The following ASTN2 variants were observed in gnomAD, a reference collection of about 807,000 sequenced individuals.
The protein encoded by ASTN2 is astrotactin 2, also known as astrotactin-2.
A neutral mutation model predicts 139.8 loss-of-function variants in ASTN2; 54 were observed. That is an observed-to-expected ratio of 0.39 (90% CI 0.31 to 0.48). ASTN2 has a LOEUF of 0.48. ASTN2 is among the 20% of genes least tolerant of loss of function. The pLI, the probability that ASTN2 is intolerant of heterozygous loss-of-function variation, is 0.95. For synonymous variants in ASTN2, 756 were observed against 719.5 expected (o/e 1.05, Z -0.81); for missense variants, 1,565 against 1,725.1 (o/e 0.91, Z 1.64).
At chr9:117,286,374 CAG>C (rs914318425) in intron 2 of ASTN2, among the ~76,000 whole-genome samples, 4 of 108,206 alleles carry the variant, frequency 3.7e-5, no homozygotes, top group African/African-American at 1.3e-4. Flanking sequence ...TTTTTTTGAG[CAG>C]AGTCTCACTC....
chr9:116,882,033 C>G (rs1166429433), intron 10 of ASTN2, among the ~76,000 whole-genome samples: 1 of 152,136 alleles, frequency 6.6e-6, no homozygotes, highest in Non-Finnish European at 1.5e-5. Flanking sequence ...TTCCTAATTT[C>G]TTTTGGAACA....
At chr9:117,049,853 T>C (rs1838863762) in intron 5 of ASTN2, among the ~76,000 whole-genome samples, 2 of 152,066 alleles carry the variant, frequency 1.3e-5, no homozygotes, top group Non-Finnish European at 2.9e-5. Context: ...ACGAAATGCA[T>C]TAGTGGAAGG....
intron 2 of ASTN2, among the ~76,000 whole-genome samples, chr9:117,255,322 T>A (rs953123839): frequency 9.9e-5 from 15 of 152,222 alleles, no homozygotes; most frequent in African/African-American, 3.6e-4. Flanking sequence ...CAAGATGCAT[T>A]TCACCCTCAT....
chr9:116,763,038 T>C (rs377018021), intron 13 of ASTN2, among the ~76,000 whole-genome samples: 1 of 152,184 alleles, frequency 6.6e-6, no homozygotes, highest in Non-Finnish European at 1.5e-5. Context: ...TTTATTCCAA[T>C]GTCTGTTCTC....
At chr9:116,854,968 C>T (rs540320659) in intron 11 of ASTN2, among the ~76,000 whole-genome samples, 6 of 150,628 alleles carry the variant, frequency 4.0e-5, no homozygotes, top group Admixed American at 1.3e-4. Context: ...CTCATTATTC[C>T]CCCCCCACCA....
intron 16 of ASTN2, among the ~76,000 whole-genome samples, chr9:116,725,521 G>A (rs1828595412): frequency 6.6e-6 from 1 of 152,068 alleles, no homozygotes; most frequent in African/African-American, 2.4e-5. Context: ...AAGGGTTCTG[G>A]AGTCTAGAAC....
At position 116,644,160 on chromosome 9, in the gene ASTN2, A is replaced by T. The variant is rs142329221; in HGVS notation, c.3072+7368T>A. 3.2e-3 allele frequency among the ~76,000 whole-genome samples: 484 copies of T among 152,126 alleles called. 9 individuals carry two copies. The East Asian group carries it at 0.037, about 12-fold the overall frequency. On this transcript the variant is annotated intron_variant, in intron 17 of 22. Transcript: ENST00000313400. ...GGTAATAACTGGGGGAGGGGGTGAG[A>T]CTTGGCTGTTAATTTCTCTTCAAAG...
intron 3 of ASTN2, among the ~76,000 whole-genome samples, chr9:117,203,184 T>A (rs186456412): frequency 2.0e-5 from 3 of 152,110 alleles, no homozygotes; most frequent in Admixed American, 2.0e-4. Flanking sequence ...TTCAGCTCCA[T>A]CAGGTCATTT....
At chr9:117,358,298 A>C (rs367854795) in intron 1 of ASTN2, among the ~76,000 whole-genome samples, 49 of 135,724 alleles carry the variant, frequency 3.6e-4, no homozygotes, top group Admixed American at 1.2e-3. Context: ...ACACACACAT[A>C]CACATCCACA....
intron 16 of ASTN2, among the ~76,000 whole-genome samples, chr9:116,679,184 A>C (rs1028368122): frequency 1.6e-4 from 24 of 152,150 alleles, no homozygotes; most frequent in African/African-American, 5.3e-4. Context: ...ATTTTAGCCA[A>C]ATTGATGACT....
chr9:117,255,742 G>C (rs1276860517), intron 2 of ASTN2, among the ~76,000 whole-genome samples: 1 of 152,196 alleles, frequency 6.6e-6, no homozygotes, highest in African/African-American at 2.4e-5. Context: ...GTATGACAAA[G>C]AGAATTGCAA....
At chr9:116,987,504 C>T (rs921116268) in intron 7 of ASTN2, among the ~76,000 whole-genome samples, 1 of 152,172 alleles carries the variant, frequency 6.6e-6, no homozygotes, top group African/African-American at 2.4e-5. Context: ...CTTGTTTTCC[C>T]TTCACCTTCT....
At chr9:117,052,995 G>C (rs896209192) in intron 5 of ASTN2, among the ~76,000 whole-genome samples, 8 of 152,208 alleles carry the variant, frequency 5.3e-5, no homozygotes, top group African/African-American at 1.7e-4. Context: ...AGCAAGAAAG[G>C]CTCAGTCAGA....
intron 20 of ASTN2, among the ~76,000 whole-genome samples, chr9:116,482,069 G>A (rs1446930753): frequency 3.3e-5 from 5 of 152,216 alleles, no homozygotes. Context: ...GCTCACGCCT[G>A]TAATCCCAGC....
intron 13 of ASTN2, among the ~76,000 whole-genome samples, chr9:116,749,433 G>A (rs769890110): frequency 1.3e-5 from 2 of 151,968 alleles, no homozygotes; most frequent in Non-Finnish European, 2.9e-5. Flanking sequence ...TTTTCTTTAC[G>A]TCATGGGAAT....
Position 116,932,386 on chromosome 9 carries a change from T to A in ASTN2, c.1889+42822A>T, listed in dbSNP as rs924412328. Among the ~76,000 whole-genome samples, 43 of 152,026 alleles carry A rather than the reference T, an allele frequency of 2.8e-4. 1 individual carries two copies. The highest frequency in any genetic ancestry group is 9.9e-4 in the African/African-American group (41 of 41,386). On this transcript the variant is annotated intron_variant, in intron 10 of 22. Coordinates refer to ENST00000313400, the MANE Select transcript of ASTN2 (RefSeq NM_001365068.1). ...GATAGTAATAGACAATTTCATTGGG[T>A]TTTTGGCTTCCACATTTCCTAACTT...
At chr9:116,824,752 T>C (rs1416467044) in intron 11 of ASTN2, among the ~76,000 whole-genome samples, 1 of 152,244 alleles carries the variant, frequency 6.6e-6, no homozygotes, top group Non-Finnish European at 1.5e-5. Context: ...TATAGTGAAA[T>C]AAATGTATGC....
At chr9:116,919,450 C>T (rs933170495) in intron 10 of ASTN2, among the ~76,000 whole-genome samples, 12 of 152,240 alleles carry the variant, frequency 7.9e-5, no homozygotes, top group African/African-American at 1.7e-4. Flanking sequence ...TGGGAACACA[C>T]TGTGAACGTT....
chr9:117,377,983 T>C (rs1434280413), intron 1 of ASTN2, among the ~76,000 whole-genome samples: 1 of 152,198 alleles, frequency 6.6e-6, no homozygotes, highest in Non-Finnish European at 1.5e-5. Context: ...TGATAGTCTC[T>C]GGGTAGGAAA....
Sources: gnomAD v4.1 joint callset for allele counts (sites outside exome capture counted in the v4.1 genomes callset) on GRCh38, gnomAD v4.1.1 for gene constraint, MANE v1.5 for transcripts, NCBI Gene and HGNC (gene_info 2026-07-23, HGNC 2026-07-21) for gene names.